ATAD3A: variants seen among roughly 807,000 people sequenced by gnomAD.
The protein encoded by ATAD3A is ATPase family AAA domain containing 3A, also known as ATPase family AAA domain-containing protein 3A.
ATAD3A carries 46 observed loss-of-function variants against 73.8 expected under a neutral mutation model. That is an observed-to-expected ratio of 0.62 (90% CI 0.49 to 0.80). ATAD3A has a LOEUF of 0.80. ATAD3A is among the 30% of genes least tolerant of loss of function. The pLI is 0.00. For synonymous variants in ATAD3A, 319 were observed against 350.0 expected (o/e 0.91, Z 0.99); for missense variants, 705 against 838.0 (o/e 0.84, Z 1.96).
At chr1:1,514,976 C>G (rs1456936980) in intron 1 of ATAD3A, among the ~76,000 whole-genome samples, 4 of 152,230 alleles carry the variant, frequency 2.6e-5, no homozygotes, top group Non-Finnish European at 5.9e-5. Context: ...TGGGTTCAAG[C>G]AGTTCTCCAG....
rs145811436 is a variant in ATAD3A, at chr1:1,527,804, C to T, written c.1447C>T (p.Arg483Cys). Residue 483 changes from arginine to cysteine, a missense_variant, in exon 14 of 16, where the codon CGC (arginine) becomes TGC (cysteine). By Grantham distance (180) the Arg-to-Cys change is radical. Coordinates refer to ENST00000378756, the MANE Select transcript of ATAD3A (RefSeq NM_001170535.3). ...CCTGCCAGGGCAGGAGGAACGGGAGCGCCTGGTGAGAATGTATTTTGACAA... is the reference window on the plus strand; with the variant it reads ...CCTGCCAGGGCAGGAGGAACGGGAGTGCCTGGTGAGAATGTATTTTGACAA... ...FDLPGQEERE[R>C]LVRMYFDKYV... 5.6e-6 allele frequency: 9 copies of T among 1,613,852 alleles called. No individual in the cohort carries two copies. Among genetic ancestry groups the T allele is most frequent in the Admixed American group, 1.7e-5 (1 of 59,986 alleles).
intron 15 of ATAD3A, among the ~76,000 whole-genome samples, chr1:1,530,828 C>CA (rs1174830616): frequency 0.26 from 3,419 of 13,280 alleles, 737 homozygotes; most frequent in East Asian, 0.77. Context: ...GACTCCGTCT[C>CA]AAAAAAAAAA....
At chr1:1,522,648 C>A (rs865988316) in intron 7 of ATAD3A, 96 bp from the exon 8 acceptor site, 5 of 1,569,058 alleles carry the variant, frequency 3.2e-6, no homozygotes, top group Admixed American at 1.7e-5. Flanking sequence ...GCTTCTCCCT[C>A]GGGCGGAGAG....
At chr1:1,518,311 C>T (rs1302225519) in intron 4 of ATAD3A, among the ~76,000 whole-genome samples, 1 of 137,426 alleles carries the variant, frequency 7.3e-6, no homozygotes, top group African/African-American at 2.7e-5. Context: ...CACAGGCGCA[C>T]ACATACCCCC....
At chr1:1,516,302 G>A (rs1557456836) in intron 2 of ATAD3A, among the ~76,000 whole-genome samples, 1 of 151,990 alleles carries the variant, frequency 6.6e-6, no homozygotes, top group Non-Finnish European at 1.5e-5. Context: ...GCTGGTGTTG[G>A]TGAGGGCGTC....
At position 1,517,712 on chromosome 1, in the gene ATAD3A, C is replaced by A; in HGVS notation, c.385-4C>A. On this transcript the variant is annotated splice_region_variant and splice_polypyrimidine_tract_variant and intron_variant, in intron 3 of 15. Coordinates refer to ENST00000378756, the MANE Select transcript of ATAD3A (RefSeq NM_001170535.3). ...TGTGTCTTTGCCGCCCTCTTCTCCC[C>A]CAGAGGGCCCAGTATCAAGACAAGC... The A allele has an allele frequency of 7.1e-7, 1 of 1,408,212 alleles. No individual in the cohort carries two copies. Among genetic ancestry groups the A allele is most frequent in the Admixed American group, 1.8e-5 (1 of 57,126 alleles). The allele number at this position is 1,408,212 out of a possible 1,614,324, so 87.2% of individuals were successfully genotyped here.
chr1:1,533,408 G>C (rs1398201521), intron 15 of ATAD3A, among the ~76,000 whole-genome samples: 1 of 152,258 alleles, frequency 6.6e-6, no homozygotes, highest in African/African-American at 2.4e-5. Context: ...AGCAGCTCCA[G>C]CCTTCACGTG....
At chr1:1,517,443 G>T (rs780519970) in intron 3 of ATAD3A, 31 bp downstream of exon 3, 53 of 1,466,438 alleles carry the variant, frequency 3.6e-5, no homozygotes, top group Non-Finnish European at 4.5e-5. Flanking sequence ...GAGGGAGGCC[G>T]CCCGGCTGCG....
chr1:1,533,252 C>CTA (rs1329896460), intron 15 of ATAD3A, among the ~76,000 whole-genome samples: 5 of 152,110 alleles, frequency 3.3e-5, no homozygotes, highest in African/African-American at 1.2e-4. Context: ...GTGGGGGTCC[C>CTA]CACACCCTGA....
intron 1 of ATAD3A, among the ~76,000 whole-genome samples, chr1:1,514,392 G>A (rs1174581083): frequency 1.3e-5 from 2 of 152,216 alleles, no homozygotes; most frequent in Non-Finnish European, 2.9e-5. Context: ...GAGTGAGAGT[G>A]GTTGAGAGCC....
intron 4 of ATAD3A, 144 bp from the exon 5 acceptor site, chr1:1,518,777 G>A (rs540554808): frequency 4.4e-5 from 66 of 1,511,916 alleles, no homozygotes; most frequent in South Asian, 4.2e-4. Context: ...TTCGGGCACC[G>A]TCACCCCCCG....
At chr1:1,531,190 C>T (rs1056277335) in intron 15 of ATAD3A, among the ~76,000 whole-genome samples, 7 of 152,104 alleles carry the variant, frequency 4.6e-5, no homozygotes, top group African/African-American at 1.7e-4. Flanking sequence ...TGCAGTGGCT[C>T]ACACCTGTAA....
chr1:1,527,960 T>G, intron 14 of ATAD3A, 98 bp downstream of exon 14: 12 of 549,864 alleles, frequency 2.2e-5, no homozygotes, highest in Non-Finnish European at 2.9e-5. Context: ...TAACATTCCT[T>G]TTTTTTTTTT....
Position 1,522,763 on chromosome 1 carries a change from T to A in ATAD3A, c.770T>A (p.Leu257Gln), listed in dbSNP as rs1319343976. The change falls in exon 8 of 16, where the codon CTG becomes CAG. Residue 257 changes from leucine (L) to glutamine (Q), a missense_variant. Around this residue, in one of 5 missense-constraint regions of ATAD3A, gnomAD observed 315 missense variants for 334.1 expected, o/e 0.94. Transcript: ENST00000378756. ...CTGCAGGTGGCTGGGCTGACGCTGC[T>A]GGCTGTTGGGGTCTACTCAGCCAAG... ...VTATVAGLTLLAVGVYSAKNA... is the reference protein window; with the variant it reads ...VTATVAGLTLQAVGVYSAKNA... The A allele has an allele frequency of 6.2e-7, 1 of 1,611,918 alleles. No homozygotes were observed. The highest frequency in any genetic ancestry group is 1.3e-5 in the African/African-American group (1 of 74,402).
At chr1:1,519,118 G>A in intron 5 of ATAD3A, 128 bp downstream of exon 5, 1 of 1,558,992 alleles carries the variant, frequency 6.4e-7, no homozygotes, top group Non-Finnish European at 8.7e-7. Flanking sequence ...GAGGCCTGCT[G>A]GGGCTCCGCG....
chr1:1,518,259 GCACA>G lies in ATAD3A; in HGVS notation c.444+492_444+495del, dbSNP rs1203950915. On this transcript the variant is annotated intron_variant, in intron 4 of 15. Coordinates refer to ENST00000378756, the MANE Select transcript of ATAD3A (RefSeq NM_001170535.3). ...ACCCCGCACACACACACACAGATAC[GCACA>G]CACACACCACACACAGGTACGTACC... is the stretch of plus-strand genomic sequence containing the variant. Among the ~76,000 whole-genome samples, 29 of 141,134 alleles carry G rather than the reference GCACA, an allele frequency of 2.1e-4. No homozygotes were observed. The East Asian group carries it at 5.1e-3, about 25-fold the overall frequency. 92.6% of individuals were successfully genotyped at this position (141,134 alleles called of 152,430 possible). A position where few individuals can be genotyped will look rare whatever the true frequency, so the allele number is the denominator to read the frequency against.
Position 1,512,252 on chromosome 1 carries a change from G to A in ATAD3A, c.-17G>A. ...GGTGGGGGTCCCGGCGGCGGTAGCG[G>A]CGGCGGCGGTGCGAGCATGTCGTGG... On this transcript the variant is annotated 5_prime_UTR_variant, in exon 1 of 16. Transcript: ENST00000378756. 7.8e-7 allele frequency: 1 copy of A among 1,275,384 alleles called. No individual in the cohort carries two copies. Among genetic ancestry groups the A allele is most frequent in the Non-Finnish European group, 9.9e-7 (1 of 1,005,860 alleles). The allele number at this position is 1,275,384 out of a possible 1,614,324, so 79.0% of individuals were successfully genotyped here. A position where few individuals can be genotyped will look rare whatever the true frequency, so the allele number is the denominator to read the frequency against.
At position 1,529,204 on chromosome 1, in the gene ATAD3A, T is replaced by C. The variant is rs770558958; in HGVS notation, c.1506-19T>C. The C allele has an allele frequency of 2.1e-5, 34 of 1,607,614 alleles. No individual in the cohort carries two copies. The African/African-American group carries it at 4.4e-4, about 21-fold the overall frequency. On this transcript the variant is annotated intron_variant, in intron 14 of 15. Transcript: ENST00000378756. ...GGAGCTGCTGCCTTGGCCGGCCCACTTGGGAACTCCTTCCCCAGGCGCCTG... is the reference window on the plus strand; with the variant it reads ...GGAGCTGCTGCCTTGGCCGGCCCACCTGGGAACTCCTTCCCCAGGCGCCTG...
At chr1:1,517,078 G>C (rs777248994) in intron 2 of ATAD3A, 142 of 1,515,280 alleles carry the variant, frequency 9.4e-5, no homozygotes, top group Non-Finnish European at 1.2e-4. Flanking sequence ...GGGGTGTCCG[G>C]CCTCCCTCCC....
Sources: allele counts gnomAD v4.1 joint callset (sites outside exome capture counted in the v4.1 genomes callset), GRCh38; gene constraint gnomAD v4.1.1; regional missense constraint gnomAD v4.1.1; transcripts MANE v1.5; gene names NCBI Gene and HGNC (gene_info 2026-07-23, HGNC 2026-07-21).